ASPM: variants seen among roughly 807,000 people sequenced by gnomAD.
ASPM encodes abnormal spindle-like microcephaly-associated protein.
ASPM carries 256 observed loss-of-function variants against 366.4 expected under a neutral mutation model. That is an observed-to-expected ratio of 0.70 (90% CI 0.63 to 0.77). The LOEUF is 0.77. ASPM is among the 30% of genes least tolerant of loss of function. The probability of loss-of-function intolerance (pLI) is 0.00; values close to 1 mark genes in which losing one functional copy is unlikely to be tolerated. For synonymous variants in ASPM, 1,414 were observed against 1,342.9 expected (o/e 1.05, Z -1.16); for missense variants, 4,146 against 4,090.4 (o/e 1.01, Z -0.37).
At chr1:197,139,331 T>C in intron 4 of ASPM, 1 of 693,374 alleles carries the variant, frequency 1.4e-6, no homozygotes, top group Non-Finnish European at 2.5e-6. Flanking sequence ...GCGCGGTGGC[T>C]CACGCCTGAA....
chr1:197,132,216 A>G, intron 7 of ASPM, 69 bp downstream of exon 7: 1 of 1,201,398 alleles, frequency 8.3e-7, no homozygotes, highest in Non-Finnish European at 1.2e-6. Context: ...ATTGTAATAA[A>G]ATGAGTCTAT....
intron 21 of ASPM, 84 bp downstream of exon 21, chr1:197,092,968 C>G: frequency 3.3e-6 from 4 of 1,230,342 alleles, no homozygotes; most frequent in East Asian, 2.4e-5. Context: ...AAATTATTCT[C>G]TAAAATCCAA....
rs1476903486 is a variant in ASPM, at chr1:197,094,134, T to G, written c.9034A>C (p.Arg3012=). 1 of 1,607,740 alleles carries G rather than the reference T, an allele frequency of 6.2e-7. No individual in the cohort carries two copies. Among genetic ancestry groups the G allele is most frequent in the East Asian group, 2.2e-5 (1 of 44,576 alleles). ...GCTATCTTTGCAGGAAGTATAGCTC[T>G]CCATTTTCTCTGAATGATAATTGCT... is the stretch of plus-strand genomic sequence containing the variant. ...ASAIIIQRKW[R]AILPAKIAHE... Residue 3012 remains arginine (R), a synonymous_variant, in exon 20 of 28, where the codon AGA becomes CGA. Coordinates refer to ENST00000367409, the MANE Select transcript of ASPM (RefSeq NM_018136.5).
At position 197,102,065 on chromosome 1, in the gene ASPM, T is replaced by G. The variant is rs1179976494; in HGVS notation, c.7186A>C (p.Arg2396=). 6.2e-7 allele frequency: 1 copy of G among 1,612,872 alleles called. No individual in the cohort carries two copies. Among genetic ancestry groups the G allele is most frequent in the African/African-American group, 1.3e-5 (1 of 74,810 alleles). The change falls in exon 18 of 28, where the codon AGG becomes CGG. Residue 2396 remains arginine (R), a synonymous_variant. Coordinates refer to ENST00000367409, the MANE Select transcript of ASPM (RefSeq NM_018136.5). The stretch of plus-strand genomic sequence containing the variant: ...AAATGTCTTCTAGTTTTCATACCCC[T>G]GAATGCAGCCTGAAGGATCACAGCA... ...HSAVILQAAF[R]GMKTRRHLKS... is the part of the protein sequence containing the mutation.
chr1:197,091,016 T>G lies in ASPM; in HGVS notation c.9470A>C (p.Glu3157Ala), dbSNP rs1384019669. ...ATGATATTTCTGAATAAATCTCTTT[T>G]CTTGTAATCTTGCTCGAAACCATCT... ...IQRWFRARLQ[E>A]KRFIQKYHSI... The change falls in exon 23 of 28, where the codon GAA becomes GCA. Residue 3157 changes from glutamate (E) to alanine (A), a missense_variant. By Grantham distance (107) the Glu-to-Ala change is moderately radical (BLOSUM62 -1). Coordinates refer to ENST00000367409, the MANE Select transcript of ASPM (RefSeq NM_018136.5). 6.2e-7 allele frequency: 1 copy of G among 1,611,844 alleles called. No homozygotes were observed. Among genetic ancestry groups the G allele is most frequent in the Non-Finnish European group, 8.5e-7 (1 of 1,178,662 alleles).
chr1:197,087,233 C>G (rs550296007), intron 26 of ASPM, among the ~76,000 whole-genome samples: 1 of 151,876 alleles, frequency 6.6e-6, no homozygotes, highest in Non-Finnish European at 1.5e-5. Flanking sequence ...CGCCACCACA[C>G]CCGGCTAATT....
intron 18 of ASPM, 40 bp from the exon 19 acceptor site, chr1:197,096,204 T>A (rs928614906): frequency 1.3e-6 from 2 of 1,514,106 alleles, no homozygotes; most frequent in Non-Finnish European, 1.8e-6. Flanking sequence ...CAATGAGTTG[T>A]CTCTTTTTTT....
chr1:197,113,038 C>T (rs1329117364), intron 17 of ASPM, among the ~76,000 whole-genome samples: 1 of 151,948 alleles, frequency 6.6e-6, no homozygotes, highest in East Asian at 1.9e-4. Context: ...ACCATGCAGC[C>T]ATAAAAAAAA....
Position 197,100,580 on chromosome 1 carries a change from T to C in ASPM, c.8671A>G (p.Asn2891Asp). ...GCAGACAGAAATGCTCTGTAGTGAT[T>C]TTGTAAAACCACTGCTGCTTTTCTA... ...LYRKAAVVLQ[N>D]HYRAFLSAKH... The change falls in exon 18 of 28, where the codon AAT (asparagine) becomes GAT (aspartate). Residue 2891 changes from asparagine (N) to aspartate (D), a missense_variant. This residue lies in a region of ASPM where 3,624 missense variants were observed against 3,591.7 expected (regional missense o/e 1.01). Transcript: ENST00000367409. The C allele has an allele frequency of 6.2e-7, 1 of 1,612,034 alleles. No individual in the cohort carries two copies. The highest frequency in any genetic ancestry group is 8.5e-7 in the Non-Finnish European group (1 of 1,178,834).
chr1:197,138,376 C>T (rs1376984844), intron 4 of ASPM, among the ~76,000 whole-genome samples: 3 of 152,202 alleles, frequency 2.0e-5, no homozygotes, highest in African/African-American at 4.8e-5. Flanking sequence ...GAACCTGGCT[C>T]GCTGCAACCT....
At chr1:197,100,214 G>A (rs1364056418) in intron 18 of ASPM, among the ~76,000 whole-genome samples, 1 of 151,570 alleles carries the variant, frequency 6.6e-6, no homozygotes. Flanking sequence ...ACCACACATA[G>A]GGTGACCATG....
chr1:197,103,041 A>T lies in ASPM; in HGVS notation c.6210T>A (p.Ala2070=), dbSNP rs1359838102. The change falls in exon 18 of 28, where the codon GCT becomes GCA. Residue 2070 remains alanine, a synonymous_variant. Transcript: ENST00000367409. ...KKKYATYRAS[A]IIIQRWYRGI... is the part of the protein sequence containing the mutation. Reference sequence around the variant, plus strand: ...CTCGATACCATCTCTGAATTATAATAGCTGAAGCTCTATAGGTTGCATATT... The same window carrying T: ...CTCGATACCATCTCTGAATTATAATTGCTGAAGCTCTATAGGTTGCATATT... 1 of 1,612,192 alleles carries T rather than the reference A, an allele frequency of 6.2e-7. No homozygotes were observed. Among genetic ancestry groups the T allele is most frequent in the East Asian group, 2.2e-5 (1 of 44,804 alleles).
Position 197,100,608 on chromosome 1 carries a change from T to C in ASPM, c.8643A>G (p.Leu2881=), listed in dbSNP as rs774869556. The C allele has an allele frequency of 9.3e-6, 15 of 1,611,920 alleles. No individual in the cohort carries two copies. The highest frequency in any genetic ancestry group is 1.6e-4 in the Middle Eastern group (1 of 6,074). The change falls in exon 18 of 28, where the codon CTA becomes CTG. Residue 2881 remains leucine, a synonymous_variant. Coordinates refer to ENST00000367409, the MANE Select transcript of ASPM (RefSeq NM_018136.5). ...RTWQTRKQFL[L]YRKAAVVLQN... Reference sequence around the variant, plus strand: ...GTAAAACCACTGCTGCTTTTCTATATAGTAAAAACTGTTTTCTGGTTTGCC... The same window carrying C: ...GTAAAACCACTGCTGCTTTTCTATACAGTAAAAACTGTTTTCTGGTTTGCC...
chr1:197,102,396 G>T lies in ASPM; in HGVS notation c.6855C>A (p.Leu2285=). ...TCTGAATCAAAATAGCAGTTTTCTT[G>T]AGAGAGAGGAATCTTCTTCTCATCA... ...TLMMRRRFLS[L]KKTAILIQRK... Residue 2285 remains leucine (L), a synonymous_variant, in exon 18 of 28, where the codon CTC becomes CTA. Transcript: ENST00000367409. The T allele has an allele frequency of 6.2e-7, 1 of 1,612,634 alleles. No homozygotes were observed. The highest frequency in any genetic ancestry group is 8.5e-7 in the Non-Finnish European group (1 of 1,179,232).
At position 197,090,894 on chromosome 1, in the gene ASPM, G is replaced by T. The variant is rs760292134; in HGVS notation, c.9592C>A (p.Arg3198Ser). ...CTAGTGAATTTTTCCTGCTTTTTAC[G>T]GAGGAGAAAATGGCGCACTGCTTTC... ...IQKAVRHFLLRKKQEKFTSGI... is the reference protein window; with the variant it reads ...IQKAVRHFLLSKKQEKFTSGI... The change falls in exon 23 of 28, where the codon CGT becomes AGT. Residue 3198 changes from arginine to serine, a missense_variant. By Grantham distance (110) the Arg-to-Ser change is moderately radical (BLOSUM62 -1). Coordinates refer to ENST00000367409, the MANE Select transcript of ASPM (RefSeq NM_018136.5). 7 of 1,612,984 alleles carry T rather than the reference G, an allele frequency of 4.3e-6. No individual in the cohort carries two copies. The South Asian group carries it at 5.5e-5, about 13-fold the overall frequency.
chr1:197,109,523 A>T (rs1657520554), intron 17 of ASPM, among the ~76,000 whole-genome samples: 1 of 152,100 alleles, frequency 6.6e-6, no homozygotes, highest in Non-Finnish European at 1.5e-5. Context: ...CAAGAAAACT[A>T]CAGTTTATAT....
At chr1:197,097,892 C>T (rs1386959527) in intron 18 of ASPM, among the ~76,000 whole-genome samples, 1 of 150,994 alleles carries the variant, frequency 6.6e-6, no homozygotes, top group African/African-American at 2.4e-5. Context: ...TTAATGAAAA[C>T]AAATTGACCG....
rs117499251 is a variant in ASPM, at chr1:197,115,398, A to G, written c.4065+2391T>C. Among the ~76,000 whole-genome samples the G allele has an allele frequency of 7.0e-4, 106 of 152,250 alleles. 1 individual carries two copies. The East Asian group carries it at 0.02, about 29-fold the overall frequency. ...TCATCCATAAAAGTTGGTTGGAATC[A>G]ACTTGTTCCAAACTCCTGTTAATGT... On this transcript the variant is annotated intron_variant, in intron 17 of 27. Coordinates refer to ENST00000367409, the MANE Select transcript of ASPM (RefSeq NM_018136.5).
At chr1:197,097,881 T>C (rs182440114) in intron 18 of ASPM, among the ~76,000 whole-genome samples, 1 of 151,662 alleles carries the variant, frequency 6.6e-6, no homozygotes. Context: ...ATCAGTACTT[T>C]TTAATGAAAA....
Sources: gnomAD v4.1 joint callset for allele counts (sites outside exome capture counted in the v4.1 genomes callset) on GRCh38, gnomAD v4.1.1 for gene constraint, gnomAD v4.1.1 regional missense constraint, MANE v1.5 for transcripts, NCBI Gene and HGNC (gene_info 2026-07-23, HGNC 2026-07-21) for gene names.